Variants in PCDH15 observed in about 807,000 individuals in gnomAD.
PCDH15 encodes the protein protocadherin related 15, also known as protocadherin-15.
A neutral mutation model predicts 178.5 loss-of-function variants in PCDH15; 129 were observed. That is an observed-to-expected ratio of 0.72 (90% confidence interval 0.63 to 0.84). The LOEUF (loss-of-function observed/expected upper bound fraction) is 0.84. PCDH15 is among the 40% of genes least tolerant of loss of function. The probability of loss-of-function intolerance (pLI) is 0.00; values close to 1 mark genes in which losing one functional copy is unlikely to be tolerated. For synonymous variants in PCDH15, 800 were observed against 732.0 expected (o/e 1.09, Z -1.50); for missense variants, 2,230 against 2,099.9 (o/e 1.06, Z -1.21).
In PCDH15 at chr10:54,183,469, A is replaced by C. The variant is rs530709106; in HGVS notation, c.1565T>G (p.Met522Arg). 1.2e-6 allele frequency: 2 copies of C among 1,613,420 alleles called. No homozygotes were observed. Among genetic ancestry groups the C allele is most frequent in the African/African-American group, 1.3e-5 (1 of 75,036 alleles). The change falls in exon 13 of 38, where the codon ATG becomes AGG. Residue 522 changes from methionine (M) to arginine (R), a missense_variant. Met to Arg is a moderately conservative substitution (Grantham distance 91, BLOSUM62 -1). Transcript: ENST00000644397. The stretch of plus-strand genomic sequence containing the variant: ...CTGTATGACACTGTCCCCAGGTCTC[A>C]TGTCTGTATAAACATACACATCATA... Reference protein sequence around the residue: ...ISYDVYVYTDMRPGDSVIQLT... With the variant: ...ISYDVYVYTDRRPGDSVIQLT...
chr10:55,093,338 G>T lies in PCDH15; in HGVS notation c.-80+73238C>A, dbSNP rs563944548. ...GTTTTACCTATGTCAAATAATGGTGGTTTTTTTCAAGATGCCGGAAAAAGT... is the reference window on the plus strand; with the variant it reads ...GTTTTACCTATGTCAAATAATGGTGTTTTTTTTCAAGATGCCGGAAAAAGT... On this transcript the variant is annotated intron_variant, in intron 2 of 5. Transcript: ENST00000458638. 2.6e-5 allele frequency among the ~76,000 whole-genome samples: 4 copies of T among 151,858 alleles called. No individual in the cohort carries two copies. The East Asian group carries it at 5.8e-4, about 22-fold the overall frequency.
chr10:54,701,156 A>G (rs553589606), intron 1 of PCDH15, among the ~76,000 whole-genome samples: 1 of 152,244 alleles, frequency 6.6e-6, no homozygotes, highest in South Asian at 2.1e-4. Context: ...AACCTTAAAG[A>G]TAATCTGGGT....
intron 5 of PCDH15, among the ~76,000 whole-genome samples, chr10:54,350,661 T>A (rs1944029747): frequency 6.6e-6 from 1 of 152,200 alleles, no homozygotes; most frequent in African/African-American, 2.4e-5. Flanking sequence ...CAGAAGAAAG[T>A]AGAAGCAGAA....
chr10:53,945,391 T>C (rs1232656557), intron 23 of PCDH15, among the ~76,000 whole-genome samples: 7 of 152,188 alleles, frequency 4.6e-5, no homozygotes, highest in Non-Finnish European at 1.0e-4. Context: ...AAACTACCAT[T>C]TGACTACCTC....
chr10:55,245,671 GGT>G (rs1841662873), intron 1 of PCDH15, among the ~76,000 whole-genome samples: 1 of 152,046 alleles, frequency 6.6e-6, no homozygotes, highest in African/African-American at 2.4e-5. Flanking sequence ...TCATATATGT[GGT>G]GTCCAAAAAT....
At chr10:54,185,105 A>G (rs960600426) in intron 12 of PCDH15, 29 bp downstream of exon 12, 4 of 1,602,254 alleles carry the variant, frequency 2.5e-6, no homozygotes, top group African/African-American at 2.7e-5. Flanking sequence ...TCATACATAC[A>G]TATGTATATT....
intron 2 of PCDH15, among the ~76,000 whole-genome samples, chr10:55,439,106 T>TA (rs1217053024): frequency 6.6e-6 from 1 of 152,032 alleles, no homozygotes; most frequent in African/African-American, 2.4e-5. Flanking sequence ...GGTTTCACTG[T>TA]ATTAGCCAAG....
chr10:54,307,603 TCTGCTGCTCCCC>T (rs1388893728), intron 8 of PCDH15, among the ~76,000 whole-genome samples: 3 of 152,040 alleles, frequency 2.0e-5, no homozygotes, highest in African/African-American at 7.2e-5. Flanking sequence ...GCATTTGGCA[TCTGCTGCTCCCC>T]CTCCCCAAAG....
intron 16 of PCDH15, among the ~76,000 whole-genome samples, chr10:54,087,600 CT>C (rs905429776): frequency 3.3e-5 from 5 of 152,122 alleles, no homozygotes; most frequent in African/African-American, 9.7e-5. Context: ...GTAAATAATT[CT>C]TTTATGAACT....
chr10:54,178,500 A>G (rs112152130), intron 13 of PCDH15, among the ~76,000 whole-genome samples: 4 of 152,260 alleles, frequency 2.6e-5, no homozygotes, highest in African/African-American at 4.8e-5. Flanking sequence ...AGATTATTGC[A>G]TCAAAAAAAT....
intron 2 of PCDH15, among the ~76,000 whole-genome samples, chr10:55,546,783 T>C (rs1231394445): frequency 1.3e-5 from 2 of 152,148 alleles, no homozygotes; most frequent in African/African-American, 4.8e-5. Flanking sequence ...GAAATAGTAC[T>C]AGTCACTAGA....
At chr10:55,593,841 T>C (rs1842891497) in intron 2 of PCDH15, among the ~76,000 whole-genome samples, 1 of 151,888 alleles carries the variant, frequency 6.6e-6, no homozygotes, top group Non-Finnish European at 1.5e-5. Context: ...CCACCTCATA[T>C]AATGGAATTA....
intron 8 of PCDH15, among the ~76,000 whole-genome samples, chr10:54,282,919 T>C (rs1193663989): frequency 6.6e-6 from 1 of 152,028 alleles, no homozygotes. Context: ...GATTTCTATA[T>C]GAGATTATGA....
intron 2 of PCDH15, among the ~76,000 whole-genome samples, chr10:54,979,274 A>G (rs1274473802): frequency 6.6e-6 from 1 of 152,150 alleles, no homozygotes; most frequent in Non-Finnish European, 1.5e-5. Flanking sequence ...GAAATTACTG[A>G]AGTTCATGGT....
chr10:55,047,676 T>C (rs534364054), intron 2 of PCDH15, among the ~76,000 whole-genome samples: 1 of 151,868 alleles, frequency 6.6e-6, no homozygotes, highest in African/African-American at 2.4e-5. Flanking sequence ...GAGAATGAGT[T>C]GGGGAAGTTG....
At chr10:55,254,782 A>C (rs1841944385) in intron 1 of PCDH15, among the ~76,000 whole-genome samples, 1 of 152,184 alleles carries the variant, frequency 6.6e-6, no homozygotes, top group African/African-American at 2.4e-5. Context: ...TACAAATAAG[A>C]TTGCGAAAGA....
At chr10:54,292,984 A>C (rs189149999) in intron 8 of PCDH15, among the ~76,000 whole-genome samples, 2,435 of 152,266 alleles carry the variant, frequency 0.016, 54 homozygotes, top group South Asian at 0.045. Context: ...TCAAGTGGAA[A>C]TAAAAAAGAG....
chr10:54,552,801 T>C (rs1380174578), intron 2 of PCDH15, among the ~76,000 whole-genome samples: 1 of 152,178 alleles, frequency 6.6e-6, no homozygotes, highest in African/African-American at 2.4e-5. Context: ...TAAGAGTTCA[T>C]GGCAATGACT....
chr10:54,808,112 A>G (rs2133725242), intron 3 of PCDH15, among the ~76,000 whole-genome samples: 1 of 152,320 alleles, frequency 6.6e-6, no homozygotes, highest in South Asian at 2.1e-4. Context: ...GAGACAAATC[A>G]CTGATGTCTG....
Sources: allele counts gnomAD v4.1 joint callset (sites outside exome capture counted in the v4.1 genomes callset), GRCh38; gene constraint gnomAD v4.1.1; transcripts MANE v1.5; gene names NCBI Gene and HGNC (gene_info 2026-07-23, HGNC 2026-07-21).